IFT56: variants seen among roughly 807,000 people sequenced by gnomAD.
IFT56 encodes intraflagellar transport protein 56.
the IFT56 span, among the ~76,000 whole-genome samples, chr7:139,143,689 A>G: frequency 0.25 from 37,633 of 151,932 alleles, 8,423 homozygotes; most frequent in African/African-American, 0.57. Context: ...TTACAAATAC[A>G]GTTAGCTTCA....
At chr7:139,178,428 G>A in the IFT56 span, 2 of 1,451,556 alleles carry the variant, frequency 1.4e-6, no homozygotes, top group Non-Finnish European at 1.9e-6. Flanking sequence ...TAATCCTTAA[G>A]GTTAGTTTTG....
the IFT56 span, chr7:139,147,376 A>G: frequency 1.8e-6 from 2 of 1,124,636 alleles, no homozygotes; most frequent in Non-Finnish European, 1.3e-6. Context: ...TGTCCTCTGG[A>G]TCTAGTACCA....
At chr7:139,142,543 A>G in the IFT56 span, among the ~76,000 whole-genome samples, 4 of 134,564 alleles carry the variant, frequency 3.0e-5, no homozygotes, top group Non-Finnish European at 4.4e-5. Context: ...TCATATAAGA[A>G]GTTTAGACTG....
At chr7:139,189,617 T>C in the IFT56 span, 5 of 491,652 alleles carry the variant, frequency 1.0e-5, no homozygotes, top group Non-Finnish European at 3.7e-6. Flanking sequence ...AGTGCCATAG[T>C]CTGTGACCCT....
At chr7:139,173,235 T>C in the IFT56 span, 1 of 499,290 alleles carries the variant, frequency 2.0e-6, no homozygotes, top group Non-Finnish European at 3.6e-6. Context: ...CTTTTTTTTT[T>C]TTTTTTTTTG....
chr7:139,160,341 A>T, the IFT56 span, among the ~76,000 whole-genome samples: 1 of 152,232 alleles, frequency 6.6e-6, no homozygotes, highest in Non-Finnish European at 1.5e-5. Context: ...ATCACCTTTG[A>T]CACTGAAAGA....
At chr7:139,175,954 C>T in the IFT56 span, among the ~76,000 whole-genome samples, 13 of 151,960 alleles carry the variant, frequency 8.6e-5, no homozygotes, top group African/African-American at 3.1e-4. Context: ...CTCGGCCTCC[C>T]GAGTAGCTGG....
At chr7:139,141,132 G>T in the IFT56 span, among the ~76,000 whole-genome samples, 2 of 150,320 alleles carry the variant, frequency 1.3e-5, no homozygotes, top group African/African-American at 2.4e-5. Context: ...GTGGTGGCGG[G>T]CGCCTGTAGT....
At chr7:139,157,033 A>G in the IFT56 span, among the ~76,000 whole-genome samples, 1 of 150,284 alleles carries the variant, frequency 6.7e-6, no homozygotes, top group East Asian at 2.0e-4. Flanking sequence ...TTTTAATTGT[A>G]TTGCTTTGAA....
chr7:139,181,258 C>T, the IFT56 span: 1 of 1,310,400 alleles, frequency 7.6e-7, no homozygotes, highest in Non-Finnish European at 1.1e-6. Context: ...GCTGCATTGG[C>T]TAAATATTAG....
chr7:139,191,727 A>C, the IFT56 span: 1 of 152,236 alleles, frequency 6.6e-6, no homozygotes, highest in Non-Finnish European at 1.5e-5. Flanking sequence ...TACTTCTGAA[A>C]TGTCTTAACA....
chr7:139,164,926 A>G, the IFT56 span, among the ~76,000 whole-genome samples: 1 of 152,136 alleles, frequency 6.6e-6, no homozygotes, highest in Non-Finnish European at 1.5e-5. Context: ...GAGGAGAGAA[A>G]AGAAGAGAGA....
At chr7:139,152,329 G>T in the IFT56 span, among the ~76,000 whole-genome samples, 1 of 152,150 alleles carries the variant, frequency 6.6e-6, no homozygotes, top group African/African-American at 2.4e-5. Flanking sequence ...GTCTTGCTAT[G>T]TTGCCCAGGC....
chr7:139,178,232 A>C, the IFT56 span: 190 of 1,613,848 alleles, frequency 1.2e-4, no homozygotes, highest in Non-Finnish European at 1.5e-4. Flanking sequence ...CCAGGGAGGC[A>C]GTGCATGGCT....
chr7:139,137,798 T>G, the IFT56 span: 17 of 1,490,716 alleles, frequency 1.1e-5, no homozygotes, highest in Admixed American at 2.7e-4. Context: ...AAACAGAGAG[T>G]TTACTATTCA....
the IFT56 span, among the ~76,000 whole-genome samples, chr7:139,171,748 A>G: frequency 6.6e-6 from 1 of 152,212 alleles, no homozygotes; most frequent in Non-Finnish European, 1.5e-5. Flanking sequence ...ACAAGAAAAC[A>G]TTGGGGAAAC....
chr7:139,177,926 A>G, the IFT56 span, among the ~76,000 whole-genome samples: 38 of 152,170 alleles, frequency 2.5e-4, no homozygotes, highest in Admixed American at 8.5e-4. Context: ...TGAGAGCATC[A>G]AAGCCCTGAA....
the IFT56 span, among the ~76,000 whole-genome samples, chr7:139,162,476 C>T: frequency 6.6e-6 from 1 of 151,864 alleles, no homozygotes. Flanking sequence ...CCAGTGAACA[C>T]ATATTACTTT....
chr7:139,146,746 G>T, the IFT56 span, among the ~76,000 whole-genome samples: 14 of 131,492 alleles, frequency 1.1e-4, no homozygotes, highest in African/African-American at 1.6e-4. Flanking sequence ...CAGCCTGGGG[G>T]ACAGGGCAAG....
Sources: allele counts gnomAD v4.1 joint callset (sites outside exome capture counted in the v4.1 genomes callset), GRCh38; gene constraint gnomAD v4.1.1; transcripts MANE v1.5; gene names NCBI Gene and HGNC (gene_info 2026-07-23, HGNC 2026-07-21).